The following USP26 variants were observed in gnomAD, a reference collection of about 807,000 sequenced individuals.
USP26 encodes the protein ubiquitin specific peptidase 26.
For synonymous variants in USP26, 236 were observed against 240.6 expected (o/e 0.98, Z 0.18); for missense variants, 649 against 642.3 (o/e 1.01, Z -0.11).
intron 5 of USP26, among the ~76,000 whole-genome samples, chrX:133,044,884 G>A (rs1019740949): frequency 8.8e-6 from 1 of 113,222 alleles, no homozygotes; most frequent in African/African-American, 3.2e-5. Flanking sequence ...GTCCAGCTAA[G>A]GGATTGTAAA....
intron 5 of USP26, among the ~76,000 whole-genome samples, chrX:133,050,649 T>C (rs2067456139): frequency 8.9e-6 from 1 of 111,893 alleles, no homozygotes; most frequent in African/African-American, 3.2e-5. Context: ...ACAGAAATGT[T>C]TAAGAAGCCA....
At position 133,026,972 on chromosome X, in the gene USP26, GA is replaced by G; in HGVS notation, c.1248del (p.Pro417LeufsTer24). On this transcript the variant is annotated frameshift_variant, in exon 6 of 6. Transcript: ENST00000511190. LOFTEE classifies it low-confidence loss of function (END_TRUNC). ...GGATCATCAGCAAAAACCTGTTTAG[GA>G]AAATTATCTTCCCCAAATTCACTTT... ...KPKSEFGEDN[F>X]PKQVFADDPD... 8.3e-7 allele frequency: 1 copy of G among 1,211,022 alleles called. No homozygotes were observed. The highest frequency in any genetic ancestry group is 3.0e-5 in the East Asian group (1 of 33,826).
chrX:133,069,263 A>G (rs112906085), intron 5 of USP26, among the ~76,000 whole-genome samples: 3,389 of 112,040 alleles, frequency 0.03, 75 homozygotes, highest in East Asian at 0.1. Context: ...GAGAAGGTGC[A>G]TTTTCATGAG....
At chrX:133,056,432 C>T (rs905737313) in intron 5 of USP26, among the ~76,000 whole-genome samples, 28 of 111,164 alleles carry the variant, frequency 2.5e-4, no homozygotes, top group African/African-American at 8.8e-4. Context: ...TTTCTGAAAA[C>T]CCAAAGCTAG....
intron 5 of USP26, among the ~76,000 whole-genome samples, chrX:133,041,157 G>T (rs886324918): frequency 9.0e-6 from 1 of 110,864 alleles, no homozygotes; most frequent in African/African-American, 3.3e-5. Context: ...GCTCAGAGGG[G>T]TTTGTTATTA....
intron 5 of USP26, among the ~76,000 whole-genome samples, chrX:133,035,937 C>G (rs973526851): frequency 9.0e-6 from 1 of 111,126 alleles, no homozygotes; most frequent in Non-Finnish European, 1.9e-5. Context: ...GGCAGGTGGA[C>G]CACTTGAGCC....
chrX:133,025,902 T>C lies in USP26; in HGVS notation c.2319A>G (p.Leu773=), dbSNP rs144096991. ...TCTGTAGATTTAATTTTGTAGGTCTTAGGAGGTTCTTTGTGTGCCCCTGGG... is the reference window on the plus strand; with the variant it reads ...TCTGTAGATTTAATTTTGTAGGTCTCAGGAGGTTCTTTGTGTGCCCCTGGG... The part of the protein sequence containing the change: ...PGTQGHTKNL[L]RPTKLNLQKS... Residue 773 remains leucine, a synonymous_variant, in exon 6 of 6, where the codon CTA becomes CTG. Coordinates refer to ENST00000511190, the MANE Select transcript of USP26 (RefSeq NM_031907.3). The C allele has an allele frequency of 2.2e-4, 264 of 1,209,341 alleles. No homozygotes were observed. The highest frequency in any genetic ancestry group is 2.7e-4 in the Non-Finnish European group (244 of 895,138).
At chrX:133,066,527 C>G (rs906908479) in intron 5 of USP26, among the ~76,000 whole-genome samples, 29 of 111,123 alleles carry the variant, frequency 2.6e-4, no homozygotes, top group African/African-American at 9.2e-4. Flanking sequence ...AAAACAGATA[C>G]GTAGACCAAT....
chrX:133,091,128 G>C (rs2067605919), intron 2 of USP26, among the ~76,000 whole-genome samples: 1 of 112,110 alleles, frequency 8.9e-6, no homozygotes, highest in East Asian at 2.8e-4. Context: ...GCAAGGAAAT[G>C]GACAACAATG....
chrX:133,025,477 T>C lies in USP26; in HGVS notation c.*2A>G. On this transcript the variant is annotated 3_prime_UTR_variant, in exon 6 of 6. Transcript: ENST00000511190. ...ATCTGTACAAGGAGGAGTACGTTCCTCTTATTCCTTCTGAAGGGTCTCCTC... is the reference window on the plus strand; with the variant it reads ...ATCTGTACAAGGAGGAGTACGTTCCCCTTATTCCTTCTGAAGGGTCTCCTC... 1 of 1,210,848 alleles carries C rather than the reference T, an allele frequency of 8.3e-7. No homozygotes were observed.
At chrX:133,079,689 G>A (rs762344858) in intron 5 of USP26, among the ~76,000 whole-genome samples, 14 of 111,761 alleles carry the variant, frequency 1.3e-4, no homozygotes, top group African/African-American at 4.5e-4. Flanking sequence ...CAATTGAAAT[G>A]AGGCAAGAAT....
chrX:133,087,242 T>C, intron 4 of USP26, among the ~76,000 whole-genome samples: 1 of 112,111 alleles, frequency 8.9e-6, no homozygotes. Flanking sequence ...CTGGAACTTA[T>C]TGAAGACATT....
At chrX:133,044,904 C>A (rs919870179) in intron 5 of USP26, among the ~76,000 whole-genome samples, 10 of 113,049 alleles carry the variant, frequency 8.8e-5, no homozygotes, top group Non-Finnish European at 1.9e-4. Context: ...ATACACCAAT[C>A]AGCACTCTGT....
intron 5 of USP26, among the ~76,000 whole-genome samples, chrX:133,063,862 C>A (rs1322819923): frequency 7.1e-5 from 8 of 111,985 alleles, no homozygotes; most frequent in Admixed American, 1.9e-4. Context: ...ATGACAAGAT[C>A]AAATTCACAC....
chrX:133,035,075 A>G (rs2067391516), intron 5 of USP26, among the ~76,000 whole-genome samples: 1 of 111,476 alleles, frequency 9.0e-6, no homozygotes, highest in Non-Finnish European at 1.9e-5. Flanking sequence ...GAGTCATGGG[A>G]AAATCTGACA....
At chrX:133,046,695 C>T (rs1274011236) in intron 5 of USP26, among the ~76,000 whole-genome samples, 1 of 111,802 alleles carries the variant, frequency 8.9e-6, no homozygotes, top group Non-Finnish European at 1.9e-5. Flanking sequence ...TCAATGCTTG[C>T]ACAGTTATTT....
At chrX:133,073,818 G>A (rs1171121147) in intron 5 of USP26, among the ~76,000 whole-genome samples, 1 of 111,267 alleles carries the variant, frequency 9.0e-6, no homozygotes, top group Non-Finnish European at 1.9e-5. Flanking sequence ...CCACTTAGTT[G>A]CATGACATTT....
At chrX:133,088,502 T>C (rs1049779191) in intron 4 of USP26, among the ~76,000 whole-genome samples, 1 of 111,403 alleles carries the variant, frequency 9.0e-6, no homozygotes, top group Non-Finnish European at 1.9e-5. Context: ...CCTCTCACTG[T>C]GTGGCCCGGT....
chrX:133,032,095 G>A lies in USP26; in HGVS notation c.-76-3799C>T, dbSNP rs181988540. 8.1e-5 allele frequency among the ~76,000 whole-genome samples: 9 copies of A among 111,354 alleles called. No individual in the cohort carries two copies. In the East Asian group the frequency reaches 8.5e-4, roughly 11 times the overall value. On this transcript the variant is annotated intron_variant, in intron 5 of 5. Transcript: ENST00000511190. The stretch of plus-strand genomic sequence containing the variant: ...ACCTGGGAAACGGAGGTTGCAGTGC[G>A]CCGAGTTCATGCCACTGCACTCTAG...
Sources: allele counts gnomAD v4.1 joint callset (sites outside exome capture counted in the v4.1 genomes callset), GRCh38; gene constraint gnomAD v4.1.1; transcripts MANE v1.5; gene names NCBI Gene and HGNC (gene_info 2026-07-23, HGNC 2026-07-21).